Variants in RS1 observed in about 807,000 individuals in gnomAD.
The protein encoded by RS1 is retinoschisin 1, also known as retinoschisin.
A neutral mutation model predicts 20.8 loss-of-function variants in RS1; 2 were observed. That is an observed-to-expected ratio of 0.10 (90% confidence interval 0.04 to 0.30). The LOEUF (loss-of-function observed/expected upper bound fraction) is 0.30. Ranked by LOEUF, RS1 falls within the 10% of genes least tolerant of loss-of-function variation. The pLI, the probability that RS1 is intolerant of heterozygous loss-of-function variation, is 1.00. For missense variants in RS1, 151 were observed against 189.8 expected (o/e 0.80, Z 1.20); for synonymous variants, 70 against 75.8 (o/e 0.92, Z 0.40).
intron 1 of RS1, among the ~76,000 whole-genome samples, chrX:18,658,041 G>A (rs1928250238): frequency 9.0e-6 from 1 of 110,919 alleles, no homozygotes; most frequent in Non-Finnish European, 1.9e-5. Context: ...ATGGTGGCAC[G>A]CGCCTGTAAT....
intron 3 of RS1, among the ~76,000 whole-genome samples, chrX:18,649,687 T>G (rs1447961325): frequency 8.9e-6 from 1 of 111,995 alleles, no homozygotes; most frequent in East Asian, 2.8e-4. Flanking sequence ...GCAATTGCAT[T>G]TTTAACAAGC....
At chrX:18,646,016 G>A (rs1483837426) in intron 4 of RS1, 5 of 1,212,062 alleles carry the variant, frequency 4.1e-6, no homozygotes, top group Admixed American at 2.2e-5. Context: ...GACGGTGGAT[G>A]TGATGGCAGA....
chrX:18,665,403 G>A (rs1928388206), intron 1 of RS1, among the ~76,000 whole-genome samples: 1 of 111,426 alleles, frequency 9.0e-6, no homozygotes, highest in Admixed American at 9.6e-5. Context: ...AAGGGGTCAT[G>A]GAGATAGATC....
intron 1 of RS1, among the ~76,000 whole-genome samples, chrX:18,670,867 GA>G (rs1272924154): frequency 1.1e-4 from 12 of 112,221 alleles, no homozygotes; most frequent in African/African-American, 3.9e-4. Flanking sequence ...TCCCTACTTA[GA>G]AATATACCTT....
chrX:18,666,245 A>G (rs1193270251), intron 1 of RS1, among the ~76,000 whole-genome samples: 1 of 111,976 alleles, frequency 8.9e-6, no homozygotes, highest in Non-Finnish European at 1.9e-5. Context: ...ACTGCTGTGG[A>G]GAAAACACAA....
chrX:18,658,403 CT>C (rs757995072), intron 1 of RS1, among the ~76,000 whole-genome samples: 5 of 111,082 alleles, frequency 4.5e-5, no homozygotes, highest in Non-Finnish European at 9.4e-5. Flanking sequence ...TTGTATCCTG[CT>C]TTCCCTTTCA....
At chrX:18,652,583 C>T (rs148237279) in intron 3 of RS1, among the ~76,000 whole-genome samples, 1,204 of 111,355 alleles carry the variant, frequency 0.011, 7 homozygotes, top group Middle Eastern at 0.028. Context: ...ACAGGAGAAT[C>T]GCTTGAACCC....
chrX:18,647,400 TAACAA>T, intron 3 of RS1, 68 bp from the exon 4 acceptor site: 1 of 1,138,587 alleles, frequency 8.8e-7, no homozygotes, highest in Non-Finnish European at 1.2e-6. Context: ...GTGACTGAAA[TAACAA>T]AACAAACCCA....
chrX:18,653,355 C>T, intron 3 of RS1: 7 of 1,178,245 alleles, frequency 5.9e-6, no homozygotes, highest in Non-Finnish European at 7.9e-6. Context: ...CGTGGGGGGC[C>T]CGGGCATTAG....
intron 3 of RS1, 42 bp from the exon 4 acceptor site, chrX:18,647,374 A>C: frequency 8.4e-7 from 1 of 1,186,984 alleles, no homozygotes; most frequent in South Asian, 1.8e-5. Context: ...ATATCTCAAT[A>C]CTCAACAAGC....
chrX:18,658,823 G>A (rs1281855057), intron 1 of RS1, among the ~76,000 whole-genome samples: 1 of 99,174 alleles, frequency 1.0e-5, no homozygotes, highest in Non-Finnish European at 2.1e-5. Context: ...ATCATCCCTT[G>A]TGTCTGCCCA....
At chrX:18,650,562 G>A in intron 3 of RS1, 2 of 1,212,208 alleles carry the variant, frequency 1.6e-6, no homozygotes, top group Non-Finnish European at 2.2e-6. Flanking sequence ...CCGAGGCACT[G>A]ATGCTTTCAG....
At chrX:18,648,109 G>A (rs1023452282) in intron 3 of RS1, among the ~76,000 whole-genome samples, 2 of 111,311 alleles carry the variant, frequency 1.8e-5, no homozygotes, top group Non-Finnish European at 3.8e-5. Context: ...GGCTGAGGCA[G>A]GAGAATCGCT....
At chrX:18,668,217 C>T (rs1928435388) in intron 1 of RS1, among the ~76,000 whole-genome samples, 1 of 112,213 alleles carries the variant, frequency 8.9e-6, no homozygotes, top group Admixed American at 9.5e-5. Flanking sequence ...ATCCGCCAGT[C>T]ACCAATCTTA....
intron 1 of RS1, among the ~76,000 whole-genome samples, chrX:18,668,731 A>G (rs1928442592): frequency 8.9e-6 from 1 of 112,602 alleles, no homozygotes; most frequent in South Asian, 3.6e-4. Flanking sequence ...CGAAAGACAA[A>G]AGACCACATG....
chrX:18,645,871 C>G, intron 4 of RS1: 1 of 944,732 alleles, frequency 1.1e-6, no homozygotes, highest in East Asian at 3.3e-5. Flanking sequence ...CCTAGTCTCC[C>G]TTGCAACTAG....
chrX:18,645,963 G>A (rs377317202), intron 4 of RS1: 12 of 1,207,824 alleles, frequency 9.9e-6, no homozygotes, highest in African/African-American at 8.8e-5. Context: ...TTAAAGGCAA[G>A]TCATGCGCAC....
intron 1 of RS1, among the ~76,000 whole-genome samples, 169 bp from the exon 2 acceptor site, chrX:18,657,834 T>C (rs1928244740): frequency 8.9e-6 from 1 of 112,167 alleles, no homozygotes; most frequent in Non-Finnish European, 1.9e-5. Context: ...CATCCGCAGA[T>C]GCTAAGAAGC....
At chrX:18,654,084 G>A (rs1928162681) in intron 3 of RS1, among the ~76,000 whole-genome samples, 1 of 111,281 alleles carries the variant, frequency 9.0e-6, no homozygotes, top group African/African-American at 3.3e-5. Flanking sequence ...CAGCTGTGTA[G>A]GGGAGACAGC....
Sources: allele counts gnomAD v4.1 joint callset (sites outside exome capture counted in the v4.1 genomes callset), GRCh38; gene constraint gnomAD v4.1.1; transcripts MANE v1.5; gene names NCBI Gene and HGNC (gene_info 2026-07-23, HGNC 2026-07-21).